Variants in ICA1 observed in about 807,000 individuals in gnomAD.
ICA1 encodes islet cell autoantigen 1.
A neutral mutation model predicts 71.0 loss-of-function variants in ICA1; 40 were observed. The ratio of observed to expected loss-of-function variants is 0.56; its 90% CI spans 0.44 to 0.73. The LOEUF (loss-of-function observed/expected upper bound fraction) is 0.73, where lower values mean the gene tolerates loss of function less well. Among genes scored for constraint, ICA1 ranks in the 30% least tolerant of loss-of-function variants. The pLI is 0.00. For synonymous variants in ICA1, 207 were observed against 209.5 expected (o/e 0.99, Z 0.10); for missense variants, 578 against 576.5 (o/e 1.00, Z -0.03).
intron 6 of ICA1, among the ~76,000 whole-genome samples, chr7:8,217,618 A>C (rs929115809): frequency 6.6e-6 from 1 of 152,252 alleles, no homozygotes; most frequent in Non-Finnish European, 1.5e-5. Context: ...TGTACACAAC[A>C]AAAATCTCGC....
At chr7:8,124,126 T>A (rs796800404) in intron 13 of ICA1, among the ~76,000 whole-genome samples, 3 of 144,564 alleles carry the variant, frequency 2.1e-5, no homozygotes, top group African/African-American at 7.7e-5. Flanking sequence ...TTTTTTTTTT[T>A]TTTTTTTTTT....
chr7:8,182,030 T>C (rs1045714547), intron 6 of ICA1, among the ~76,000 whole-genome samples: 7 of 152,174 alleles, frequency 4.6e-5, no homozygotes, highest in African/African-American at 1.4e-4. Context: ...AATGCTCCAG[T>C]CAATTCCTTT....
chr7:8,128,069 C>T lies in ICA1; in HGVS notation c.1134G>A (p.Glu378=), dbSNP rs144420664. 4 of 1,614,090 alleles carry T rather than the reference C, an allele frequency of 2.5e-6. No individual in the cohort carries two copies. The African/African-American group carries it at 4.0e-5, about 16-fold the overall frequency. The change falls in exon 13 of 14, where the codon GAG becomes GAA. Residue 378 remains glutamate (E), a synonymous_variant. Coordinates refer to ENST00000402384, the MANE Select transcript of ICA1 (RefSeq NM_001136020.3). ...ADKDDLLLLS[E]IFNASSLEEG... ...CTTCCAAGGAGGAAGCATTGAAGAT[C>T]TCACTCAACAGCAGCAGGTCATCTT...
intron 6 of ICA1, among the ~76,000 whole-genome samples, chr7:8,174,733 G>T (rs1250172656): frequency 7.7e-6 from 1 of 129,398 alleles, no homozygotes; most frequent in South Asian, 2.6e-4. Flanking sequence ...TCCAGCCTGG[G>T]TGACACAGCC....
chr7:8,241,487 G>C (rs934925384), intron 1 of ICA1, among the ~76,000 whole-genome samples: 1 of 152,208 alleles, frequency 6.6e-6, no homozygotes, highest in African/African-American at 2.4e-5. Flanking sequence ...GACCATCGAT[G>C]CTAGGAAGAA....
intron 13 of ICA1, among the ~76,000 whole-genome samples, chr7:8,122,735 G>A (rs1787498057): frequency 6.6e-6 from 1 of 152,226 alleles, no homozygotes; most frequent in Non-Finnish European, 1.5e-5. Context: ...TTAGCCTTAA[G>A]TGGAAATCCA....
intron 1 of ICA1, among the ~76,000 whole-genome samples, chr7:8,252,326 G>A (rs948939730): frequency 3.3e-5 from 5 of 152,160 alleles, no homozygotes; most frequent in African/African-American, 1.2e-4. Context: ...TTCGATGTCA[G>A]CACAGAACAT....
chr7:8,147,326 G>A (rs1797373692), intron 8 of ICA1, among the ~76,000 whole-genome samples: 1 of 152,122 alleles, frequency 6.6e-6, no homozygotes, highest in Non-Finnish European at 1.5e-5. Flanking sequence ...GGACTCAATT[G>A]TTGGCTCCCT....
intron 6 of ICA1, among the ~76,000 whole-genome samples, chr7:8,213,835 C>G (rs376876069): frequency 2.4e-4 from 36 of 152,182 alleles, no homozygotes; most frequent in African/African-American, 8.0e-4. Flanking sequence ...TGTTAATAAA[C>G]CTTCTCACCA....
intron 12 of ICA1, among the ~76,000 whole-genome samples, chr7:8,136,743 A>G (rs1793555032): frequency 6.6e-6 from 1 of 152,254 alleles, no homozygotes; most frequent in Admixed American, 6.5e-5. Context: ...GGACCAGCAC[A>G]TTAATATCCC....
chr7:8,207,558 A>T (rs3807823), intron 6 of ICA1, among the ~76,000 whole-genome samples: 18,685 of 152,188 alleles, frequency 0.12, 1,561 homozygotes, highest in East Asian at 0.46. Flanking sequence ...ACATATTTTT[A>T]AAGCTGTTTT....
At chr7:8,236,386 G>C (rs994508160) in intron 1 of ICA1, among the ~76,000 whole-genome samples, 11 of 152,322 alleles carry the variant, frequency 7.2e-5, no homozygotes, top group Admixed American at 6.5e-4. Flanking sequence ...CCAGACAGCA[G>C]ACCACGGCAG....
chr7:8,176,835 T>C (rs1008470141), intron 6 of ICA1, among the ~76,000 whole-genome samples: 8 of 152,202 alleles, frequency 5.3e-5, no homozygotes, highest in African/African-American at 1.4e-4. Context: ...TACAACATAA[T>C]TGTGGTACTG....
intron 6 of ICA1, among the ~76,000 whole-genome samples, chr7:8,207,743 T>C (rs940233405): frequency 2.0e-5 from 3 of 152,226 alleles, no homozygotes; most frequent in Non-Finnish European, 4.4e-5. Context: ...ATTTCCCTGT[T>C]AGATTAGAAT....
rs777344556 is a variant in ICA1, at chr7:8,235,173, A to G, written c.17+737T>C. Among the ~76,000 whole-genome samples, 66 of 152,304 alleles carry G rather than the reference A, an allele frequency of 4.3e-4. 1 individual carries two copies. Among genetic ancestry groups the G allele is most frequent in the Non-Finnish European group, 3.2e-4 (22 of 68,024 alleles). ...AGTGAGACTCCATCTCAAAAAAAAA[A>G]AATGTATTATTATAATTAATTGTGC... On this transcript the variant is annotated intron_variant, in intron 2 of 13. Coordinates refer to ENST00000402384, the MANE Select transcript of ICA1 (RefSeq NM_001136020.3).
At chr7:8,126,778 T>A (rs962181501) in intron 13 of ICA1, among the ~76,000 whole-genome samples, 2 of 152,164 alleles carry the variant, frequency 1.3e-5, no homozygotes, top group Admixed American at 1.3e-4. Context: ...TAAAGTCACA[T>A]GAAAGAAGGA....
chr7:8,194,779 T>C (rs976311574), intron 6 of ICA1, among the ~76,000 whole-genome samples: 34 of 152,162 alleles, frequency 2.2e-4, no homozygotes, highest in African/African-American at 8.2e-4. Context: ...AAAGAATTTT[T>C]TGACACACAG....
chr7:8,220,616 T>G (rs1796740334), intron 5 of ICA1, among the ~76,000 whole-genome samples: 1 of 152,020 alleles, frequency 6.6e-6, no homozygotes, highest in Non-Finnish European at 1.5e-5. Context: ...CTCCTGCTTA[T>G]TTAACATCCA....
chr7:8,210,827 C>T (rs751447611), intron 6 of ICA1, among the ~76,000 whole-genome samples: 1 of 152,194 alleles, frequency 6.6e-6, no homozygotes, highest in Non-Finnish European at 1.5e-5. Context: ...GGATCCTCAC[C>T]TCAGCTTCCT....
Sources: gnomAD v4.1 joint callset for allele counts (sites outside exome capture counted in the v4.1 genomes callset) on GRCh38, gnomAD v4.1.1 for gene constraint, MANE v1.5 for transcripts, NCBI Gene and HGNC (gene_info 2026-07-23, HGNC 2026-07-21) for gene names.